The following RAP1A variants were observed in gnomAD, a reference collection of about 807,000 sequenced individuals.
The protein encoded by RAP1A is RAP1A, member of RAS oncogene family.
RAP1A carries 6 observed loss-of-function variants against 26.4 expected under a neutral mutation model. That is an observed-to-expected ratio of 0.23 (90% CI 0.12 to 0.45). RAP1A has a LOEUF of 0.45. Ranked by LOEUF, RAP1A falls within the 20% of genes least tolerant of loss-of-function variation. The pLI is 0.99. For missense variants in RAP1A, 121 were observed against 217.2 expected, an observed-to-expected ratio of 0.56 and a Z score of 2.78; for synonymous variants, 73 against 79.4, an observed-to-expected ratio of 0.92 and a Z score of 0.43.
rs1251360512 is a variant in RAP1A, at chr1:111,712,667, A to G, written c.*266A>G. ...TATAACAGATGTGAAAATATACTTG[A>G]CTCTAATATGATTATACAAAAGAGC... On this transcript the variant is annotated 3_prime_UTR_variant, in exon 8 of 8. Transcript: ENST00000369709. 6.6e-6 allele frequency: 1 copy of G among 152,468 alleles called. No homozygotes were observed. The highest frequency in any genetic ancestry group is 1.5e-5 in the Non-Finnish European group (1 of 67,928). The allele number at this position is 152,468 out of a possible 1,614,324, so 9.4% of individuals were successfully genotyped here. A position where few individuals can be genotyped will look rare whatever the true frequency, so the allele number is the denominator to read the frequency against.
intron 1 of RAP1A, among the ~76,000 whole-genome samples, chr1:111,562,339 A>G (rs1657774181): frequency 6.6e-6 from 1 of 152,184 alleles, no homozygotes; most frequent in South Asian, 2.1e-4. Context: ...CAAGAATTAT[A>G]CCTTATCTTT....
At position 111,625,555 on chromosome 1, in the gene RAP1A, G is replaced by C. The variant is rs1171077736; in HGVS notation, c.-28+5621G>C. Among the ~76,000 whole-genome samples, 3 of 152,038 alleles carry C rather than the reference G, an allele frequency of 2.0e-5. No individual in the cohort carries two copies. In the East Asian group the frequency reaches 5.8e-4, roughly 29 times the overall value. ...TATTTTAAAATTCATTTATCAGTAGGATCATTCTGTTCTAGACAAGTTGGC... is the reference window on the plus strand; with the variant it reads ...TATTTTAAAATTCATTTATCAGTAGCATCATTCTGTTCTAGACAAGTTGGC... On this transcript the variant is annotated intron_variant, in intron 1 of 7. Coordinates refer to ENST00000369709, the MANE Select transcript of RAP1A (RefSeq NM_002884.4).
chr1:111,646,689 C>T (rs550213407), intron 1 of RAP1A, among the ~76,000 whole-genome samples: 21 of 152,062 alleles, frequency 1.4e-4, no homozygotes, highest in Non-Finnish European at 2.5e-4. Flanking sequence ...TACAGGTGCC[C>T]GCCACCACAC....
At chr1:111,707,173 GAA>G (rs765093731) in intron 6 of RAP1A, among the ~76,000 whole-genome samples, 3 of 152,092 alleles carry the variant, frequency 2.0e-5, no homozygotes, top group Non-Finnish European at 4.4e-5. Context: ...GGAGCAGAAA[GAA>G]AAGAATTTAA....
chr1:111,550,153 C>A (rs1301746531), intron 1 of RAP1A, among the ~76,000 whole-genome samples: 1 of 151,978 alleles, frequency 6.6e-6, no homozygotes, highest in African/African-American at 2.4e-5. Context: ...CTTTTTATTT[C>A]TTTAAGATTG....
intron 1 of RAP1A, among the ~76,000 whole-genome samples, chr1:111,583,564 G>A (rs1379861558): frequency 3.3e-5 from 5 of 151,674 alleles, no homozygotes; most frequent in Non-Finnish European, 7.4e-5. Context: ...AAAATACGCA[G>A]TCATAGTTTC....
At chr1:111,643,427 T>C (rs1659955603) in intron 1 of RAP1A, among the ~76,000 whole-genome samples, 1 of 152,228 alleles carries the variant, frequency 6.6e-6, no homozygotes, top group Non-Finnish European at 1.5e-5. Flanking sequence ...TGGGATACTC[T>C]AGAAAGTTAA....
intron 1 of RAP1A, among the ~76,000 whole-genome samples, chr1:111,689,780 C>A (rs1311640789): frequency 6.6e-6 from 1 of 152,172 alleles, no homozygotes; most frequent in East Asian, 1.9e-4. Flanking sequence ...CACCGTTCTC[C>A]TGCCTCAGCC....
chr1:111,627,507 T>A (rs1485596882), intron 1 of RAP1A: 1 of 151,966 alleles, frequency 6.6e-6, no homozygotes, highest in Non-Finnish European at 1.5e-5. Context: ...GATCAGAGGG[T>A]GATTACCCTG....
At chr1:111,636,517 C>G in intron 1 of RAP1A, among the ~76,000 whole-genome samples, 1 of 142,686 alleles carries the variant, frequency 7.0e-6, no homozygotes, top group East Asian at 2.0e-4. Flanking sequence ...GAGTTTCGTT[C>G]TTGTTGCCCA....
chr1:111,585,352 A>G (rs1658344085), intron 1 of RAP1A, among the ~76,000 whole-genome samples: 1 of 152,260 alleles, frequency 6.6e-6, no homozygotes, highest in African/African-American at 2.4e-5. Flanking sequence ...AGTATGCTCA[A>G]TGAAATATTT....
At chr1:111,585,605 T>C (rs755794015) in intron 1 of RAP1A, among the ~76,000 whole-genome samples, 1 of 152,232 alleles carries the variant, frequency 6.6e-6, no homozygotes, top group Non-Finnish European at 1.5e-5. Flanking sequence ...TCCCCTGTAG[T>C]AAATAAATTT....
intron 1 of RAP1A, chr1:111,599,898 T>A (rs1658637712): frequency 6.6e-6 from 1 of 151,928 alleles, no homozygotes; most frequent in Admixed American, 6.6e-5. Context: ...ATTCCCTTGG[T>A]GATGAGTGAA....
chr1:111,641,634 CGTGTGT>C (rs138608546), intron 1 of RAP1A, among the ~76,000 whole-genome samples: 1 of 151,082 alleles, frequency 6.6e-6, no homozygotes, highest in Non-Finnish European at 1.5e-5. Flanking sequence ...GGGGTGTGTG[CGTGTGT>C]GTGTGTGTGC....
chr1:111,587,114 T>C (rs17028048), intron 1 of RAP1A, among the ~76,000 whole-genome samples: 28,939 of 152,020 alleles, frequency 0.19, 5,192 homozygotes, highest in African/African-American at 0.47. Flanking sequence ...TTTCCACCAT[T>C]CTATGACATC....
chr1:111,620,556 G>A (rs185327931), intron 1 of RAP1A, among the ~76,000 whole-genome samples: 15 of 152,084 alleles, frequency 9.9e-5, no homozygotes, highest in Non-Finnish European at 7.4e-5. Context: ...TTCTGTCAGG[G>A]TTCAGGGTCT....
intron 1 of RAP1A, chr1:111,563,982 C>G: frequency 6.5e-7 from 1 of 1,543,176 alleles, no homozygotes; most frequent in Non-Finnish European, 9.0e-7. Flanking sequence ...TACCAACTGC[C>G]ACAGAAGCTT....
At chr1:111,610,894 G>A (rs1382036908) in intron 1 of RAP1A, among the ~76,000 whole-genome samples, 1 of 152,168 alleles carries the variant, frequency 6.6e-6, no homozygotes, top group Non-Finnish European at 1.5e-5. Flanking sequence ...GCTCTTTAAG[G>A]TAGTATTCCC....
In RAP1A at chr1:111,640,895, T is replaced by C. The variant is rs1376978075; in HGVS notation, c.-28+20961T>C. 4.6e-5 allele frequency among the ~76,000 whole-genome samples: 7 copies of C among 151,944 alleles called. 1 individual carries two copies. The highest frequency in any genetic ancestry group is 4.6e-4 in the Admixed American group (7 of 15,246). On this transcript the variant is annotated intron_variant, in intron 1 of 7. Transcript: ENST00000369709. ...GGGAGGATCGCTTGAGCATGGGAGG[T>C]TGAGGCTGCAGTGAGCCATGATTGT...
Sources: gnomAD v4.1 joint callset for allele counts (sites outside exome capture counted in the v4.1 genomes callset) on GRCh38, gnomAD v4.1.1 for gene constraint, MANE v1.5 for transcripts, NCBI Gene and HGNC (gene_info 2026-07-23, HGNC 2026-07-21) for gene names.